GNAI1: variants seen among roughly 807,000 people sequenced by gnomAD.
GNAI1 encodes the protein G protein subunit alpha i1.
Under a neutral mutation model 38.9 loss-of-function variants are expected in GNAI1, and 11 were observed. That is an observed-to-expected ratio of 0.28 (90% CI 0.18 to 0.47). The LOEUF is 0.47. GNAI1 is among the 20% of genes least tolerant of loss of function. GNAI1 has a pLI of 0.99. For synonymous variants in GNAI1, 166 were observed against 145.1 expected (o/e 1.14, Z -1.04); for missense variants, 317 against 436.9 (o/e 0.73, Z 2.45).
intron 4 of GNAI1, among the ~76,000 whole-genome samples, chr7:80,201,640 C>T (rs1469834086): frequency 6.6e-6 from 1 of 152,128 alleles, no homozygotes; most frequent in Non-Finnish European, 1.5e-5. Flanking sequence ...AGGAGAATCA[C>T]CCAAGCCCAG....
intron 1 of GNAI1, among the ~76,000 whole-genome samples, chr7:80,157,782 C>T (rs367707044): frequency 5.9e-5 from 9 of 152,176 alleles, no homozygotes; most frequent in African/African-American, 1.7e-4. Context: ...TCTTAGCTCA[C>T]TGCAACCTCT....
chr7:80,151,800 A>G (rs946310280), intron 1 of GNAI1, among the ~76,000 whole-genome samples: 13 of 152,062 alleles, frequency 8.5e-5, no homozygotes, highest in South Asian at 4.2e-4. Flanking sequence ...CCAAACATGT[A>G]TCATACATGG....
chr7:80,176,141 A>G (rs1788178333), intron 1 of GNAI1, among the ~76,000 whole-genome samples: 1 of 152,244 alleles, frequency 6.6e-6, no homozygotes, highest in Admixed American at 6.5e-5. Context: ...GGACACACGA[A>G]TGATAAAGTG....
rs372366379 is a variant in GNAI1, at chr7:80,162,092, G to A, written c.118+26814G>A. Among the ~76,000 whole-genome samples, 13 of 152,216 alleles carry A rather than the reference G, an allele frequency of 8.5e-5. No homozygotes were observed. The East Asian group carries it at 1.2e-3, about 14-fold the overall frequency. ...GGTAATTGGGTTGGAATGAGGTCAT[G>A]GAATGGAGTCCTCATGATGGGCATG... On this transcript the variant is annotated intron_variant, in intron 1 of 7. Coordinates refer to ENST00000649796, the MANE Select transcript of GNAI1 (RefSeq NM_002069.6).
rs766092210 is a variant in GNAI1, at chr7:80,199,183, A to T, written c.304-42A>T. On this transcript the variant is annotated intron_variant, in intron 3 of 7. Coordinates refer to ENST00000649796, the MANE Select transcript of GNAI1 (RefSeq NM_002069.6). ...GTCTCCTTTGTACTTTTTATCTCTG[A>T]CGTATCCCTTTTTACTTAAAAAATG... 52 of 1,422,786 alleles carry T rather than the reference A, an allele frequency of 3.7e-5. 1 individual carries two copies. The South Asian group carries it at 7.3e-4, about 20-fold the overall frequency. 88.1% of individuals were successfully genotyped at this position (1,422,786 alleles called of 1,614,324 possible).
chr7:80,191,730 A>G (rs187673238), intron 3 of GNAI1, among the ~76,000 whole-genome samples: 11 of 152,260 alleles, frequency 7.2e-5, no homozygotes, highest in East Asian at 3.9e-4. Flanking sequence ...ATATATTTCT[A>G]TTTCTGGAAG....
At chr7:80,136,229 G>A (rs994815160) in intron 1 of GNAI1, among the ~76,000 whole-genome samples, 10 of 152,150 alleles carry the variant, frequency 6.6e-5, no homozygotes, top group African/African-American at 2.4e-4. Flanking sequence ...TAAGATTCGT[G>A]AGTTAGGGTT....
At chr7:80,172,853 G>C (rs1788120148) in intron 1 of GNAI1, among the ~76,000 whole-genome samples, 1 of 152,116 alleles carries the variant, frequency 6.6e-6, no homozygotes, top group African/African-American at 2.4e-5. Flanking sequence ...ATGTTTATTT[G>C]CATAATATTA....
intron 4 of GNAI1, among the ~76,000 whole-genome samples, chr7:80,199,767 G>A (rs1788646447): frequency 6.6e-6 from 1 of 152,096 alleles, no homozygotes; most frequent in African/African-American, 2.4e-5. Context: ...CATTATGTTA[G>A]CAGTGCCTGA....
intron 1 of GNAI1, among the ~76,000 whole-genome samples, chr7:80,152,037 T>C (rs1050916966): frequency 3.3e-5 from 5 of 152,216 alleles, no homozygotes; most frequent in African/African-American, 4.8e-5. Flanking sequence ...ACGGCCTCTT[T>C]TCAGTTTTTT....
chr7:80,168,769 C>T (rs1423591531), intron 1 of GNAI1, among the ~76,000 whole-genome samples: 5 of 152,346 alleles, frequency 3.3e-5, no homozygotes, highest in African/African-American at 1.2e-4. Flanking sequence ...GGGACTTCTA[C>T]ATCATCCCAA....
intron 3 of GNAI1, among the ~76,000 whole-genome samples, chr7:80,191,557 A>G (rs1788480946): frequency 6.6e-6 from 1 of 151,888 alleles, no homozygotes; most frequent in African/African-American, 2.4e-5. Context: ...ACACCTGGCT[A>G]ATTTTTGTAT....
rs1165109471 is a variant in GNAI1, at chr7:80,222,150, CCA to C, written c.*4658_*4659del. Among the ~76,000 whole-genome samples, 2 of 151,954 alleles carry C rather than the reference CCA, an allele frequency of 1.3e-5. No individual in the cohort carries two copies. The highest frequency in any genetic ancestry group is 2.1e-4 in the South Asian group (1 of 4,814). On this transcript the variant is annotated 3_prime_UTR_variant, in exon 8 of 8. Coordinates refer to ENST00000649796, the MANE Select transcript of GNAI1 (RefSeq NM_002069.6). ...TACGAAATTTCACATTTCATCAAGTCCAGAGGCCAGAGACACCCAAATATGCA... is the reference window on the plus strand; with the variant it reads ...TACGAAATTTCACATTTCATCAAGTCGAGGCCAGAGACACCCAAATATGCA...
chr7:80,201,838 T>C (rs1788690497), intron 4 of GNAI1, among the ~76,000 whole-genome samples: 1 of 152,192 alleles, frequency 6.6e-6, no homozygotes, highest in Non-Finnish European at 1.5e-5. Context: ...TTTTTAGGAA[T>C]GAAGAAAGTC....
chr7:80,148,239 C>T (rs1474186998), intron 1 of GNAI1, among the ~76,000 whole-genome samples: 2 of 152,130 alleles, frequency 1.3e-5, no homozygotes, highest in Non-Finnish European at 2.9e-5. Context: ...TTATACTGTG[C>T]ACATGGTGAT....
chr7:80,149,819 T>A (rs1391221561), intron 1 of GNAI1, among the ~76,000 whole-genome samples: 2 of 152,160 alleles, frequency 1.3e-5, no homozygotes, highest in African/African-American at 4.8e-5. Flanking sequence ...TAACAAGGCA[T>A]TTTTAAAATT....
chr7:80,168,266 T>G (rs1310287478), intron 1 of GNAI1, among the ~76,000 whole-genome samples: 20 of 152,158 alleles, frequency 1.3e-4, no homozygotes, highest in Admixed American at 1.3e-3. Context: ...TTTAAAAGAT[T>G]ACTGTGAAAT....
chr7:80,152,520 C>CTTAA (rs1198999654), intron 1 of GNAI1, among the ~76,000 whole-genome samples: 1 of 147,020 alleles, frequency 6.8e-6, no homozygotes, highest in Non-Finnish European at 1.5e-5. Context: ...AAGAAACCAA[C>CTTAA]TTAAGGATCT....
At chr7:80,176,936 C>CAAAA (rs374205117) in intron 1 of GNAI1, among the ~76,000 whole-genome samples, 192 of 71,242 alleles carry the variant, frequency 2.7e-3, no homozygotes, top group Non-Finnish European at 4.0e-3. Context: ...GACTCTGTCT[C>CAAAA]AAAAAAAAAA....
Sources: allele counts gnomAD v4.1 joint callset (sites outside exome capture counted in the v4.1 genomes callset), GRCh38; gene constraint gnomAD v4.1.1; transcripts MANE v1.5; gene names NCBI Gene and HGNC (gene_info 2026-07-23, HGNC 2026-07-21).